The following STX8 variants were observed in gnomAD, a reference collection of about 807,000 sequenced individuals.
The protein encoded by STX8 is syntaxin 8.
In STX8, 23 loss-of-function variants were observed where a neutral mutation model predicts 37.5. The observed-to-expected ratio is 0.61, with a 90% confidence interval of 0.44 to 0.87. The LOEUF is 0.87. Ranked by LOEUF, STX8 falls within the 40% of genes least tolerant of loss-of-function variation. The pLI, the probability that STX8 is intolerant of heterozygous loss-of-function variation, is 0.00. For missense variants in STX8, 313 were observed against 284.7 expected (o/e 1.10, Z -0.71); for synonymous variants, 115 against 99.1 (o/e 1.16, Z -0.95).
At chr17:9,306,067 T>G (rs1405702774) in intron 7 of STX8, among the ~76,000 whole-genome samples, 1 of 152,060 alleles carries the variant, frequency 6.6e-6, no homozygotes, top group Non-Finnish European at 1.5e-5. Context: ...TTAAAATCCT[T>G]TATGTTGTAC....
chr17:9,253,045 G>T (rs1025992607), intron 7 of STX8, among the ~76,000 whole-genome samples: 2 of 152,218 alleles, frequency 1.3e-5, no homozygotes, highest in East Asian at 3.8e-4. Flanking sequence ...GCATCAGTTC[G>T]CCCACTTAGG....
chr17:9,257,594 G>T (rs920586533), intron 7 of STX8, among the ~76,000 whole-genome samples: 1 of 152,214 alleles, frequency 6.6e-6, no homozygotes, highest in Non-Finnish European at 1.5e-5. Flanking sequence ...AAGAGGCAGG[G>T]AGGGGTGAAG....
In STX8 at chr17:9,250,531, G is replaced by C. The variant is rs1445842248; in HGVS notation, c.*47C>G. The C allele has an allele frequency of 2.0e-6, 3 of 1,521,658 alleles. No homozygotes were observed. In the African/African-American group the frequency reaches 4.1e-5, roughly 21 times the overall value. 94.3% of individuals were successfully genotyped at this position (1,521,658 alleles called of 1,614,324 possible). On this transcript the variant is annotated 3_prime_UTR_variant, in exon 8 of 8. Transcript: ENST00000306357. ...TGCGTACCAAAAGGGTGTTGGGCTT[G>C]CATCTGTCATTGGCAGGTGTCACTG...
At chr17:9,279,831 G>A (rs1171393022) in intron 7 of STX8, among the ~76,000 whole-genome samples, 6 of 152,190 alleles carry the variant, frequency 3.9e-5, no homozygotes, top group Admixed American at 1.3e-4. Flanking sequence ...AACACCTAAC[G>A]TGGAAATAAC....
intron 7 of STX8, among the ~76,000 whole-genome samples, chr17:9,373,107 CA>C (rs11317325): frequency 0.16 from 15,100 of 95,820 alleles, 2,221 homozygotes; most frequent in African/African-American, 0.41. Flanking sequence ...GACTCCATCT[CA>C]AAAAAAAAAA....
At chr17:9,568,804 G>A (rs1419688467) in intron 1 of STX8, among the ~76,000 whole-genome samples, 1 of 152,002 alleles carries the variant, frequency 6.6e-6, no homozygotes. Context: ...TGGCCTTAAG[G>A]TTCTTTAAAA....
intron 6 of STX8, among the ~76,000 whole-genome samples, chr17:9,414,129 A>ATCCGTCCATCTGT (rs1913092925): frequency 3.0e-5 from 2 of 67,622 alleles, no homozygotes; most frequent in Non-Finnish European, 6.4e-5. Flanking sequence ...CATCCATCCA[A>ATCCGTCCATCTGT]CCATCCATCC....
intron 7 of STX8, among the ~76,000 whole-genome samples, chr17:9,333,753 A>C (rs535906201): frequency 7.0e-6 from 1 of 142,972 alleles, no homozygotes; most frequent in African/African-American, 3.0e-5. Context: ...TAACACACAC[A>C]TGTTTTTTAA....
intron 5 of STX8, among the ~76,000 whole-genome samples, chr17:9,499,760 G>C (rs576800264): frequency 6.6e-6 from 1 of 152,146 alleles, no homozygotes; most frequent in Non-Finnish European, 1.5e-5. Flanking sequence ...TGCAACCTGC[G>C]CTGCCGCTCC....
chr17:9,322,477 C>A (rs942752719), intron 7 of STX8, among the ~76,000 whole-genome samples: 1 of 152,144 alleles, frequency 6.6e-6, no homozygotes, highest in Non-Finnish European at 1.5e-5. Context: ...AGGACCAAGC[C>A]CAGCAGGGGA....
chr17:9,443,448 C>A (rs779971969), intron 6 of STX8, among the ~76,000 whole-genome samples: 2 of 152,168 alleles, frequency 1.3e-5, no homozygotes, highest in Non-Finnish European at 2.9e-5. Context: ...CAGTCTGTTG[C>A]GAGTTCATGT....
At chr17:9,472,497 TGAG>T (rs1290987847) in intron 6 of STX8, among the ~76,000 whole-genome samples, 1 of 152,332 alleles carries the variant, frequency 6.6e-6, no homozygotes, top group African/African-American at 2.4e-5. Context: ...GCAGAGGCAC[TGAG>T]GAGGAGAAAC....
chr17:9,260,945 G>T (rs934526745), intron 7 of STX8, among the ~76,000 whole-genome samples: 2 of 152,236 alleles, frequency 1.3e-5, no homozygotes, highest in African/African-American at 4.8e-5. Context: ...AGAGAACGGT[G>T]TGAAGAGAGA....
chr17:9,339,667 A>G (rs1487886024), intron 7 of STX8, among the ~76,000 whole-genome samples: 2 of 152,162 alleles, frequency 1.3e-5, no homozygotes, highest in Non-Finnish European at 2.9e-5. Context: ...ATCTAAAAAA[A>G]AAAGGACTCC....
rs117128895 is a variant in STX8 at position 9,447,105 on chromosome 17, A to G, written c.541+44724T>C. ...TTCTTTACCCACCGTATTCAGGAAAACCAATTTATTGTTCTGTCTCAGTAA... is the reference window on the plus strand; with the variant it reads ...TTCTTTACCCACCGTATTCAGGAAAGCCAATTTATTGTTCTGTCTCAGTAA... On this transcript the variant is annotated intron_variant, in intron 6 of 7. Transcript: ENST00000306357. 6.6e-3 allele frequency among the ~76,000 whole-genome samples: 1,005 copies of G among 152,200 alleles called. 9 individuals carry two copies. Among genetic ancestry groups the G allele is most frequent in the Admixed American group, 0.018 (271 of 15,286 alleles).
chr17:9,288,388 G>C (rs569960996), intron 7 of STX8, among the ~76,000 whole-genome samples: 1 of 151,992 alleles, frequency 6.6e-6, no homozygotes, highest in Non-Finnish European at 1.5e-5. Context: ...TGGGCCGGGC[G>C]CGGTGGCTCA....
chr17:9,313,929 C>T (rs1225760976), intron 7 of STX8, among the ~76,000 whole-genome samples: 1 of 152,152 alleles, frequency 6.6e-6, no homozygotes, highest in Non-Finnish European at 1.5e-5. Context: ...CGTGCCCAGC[C>T]TCTCCCTTTA....
chr17:9,508,242 A>G (rs539080308), intron 4 of STX8, among the ~76,000 whole-genome samples: 1 of 152,330 alleles, frequency 6.6e-6, no homozygotes, highest in East Asian at 1.9e-4. Context: ...AGAACAAAAC[A>G]GGTATCCTGG....
intron 7 of STX8, among the ~76,000 whole-genome samples, chr17:9,283,726 A>C (rs1907976327): frequency 6.6e-6 from 1 of 152,232 alleles, no homozygotes; most frequent in Admixed American, 6.5e-5. Context: ...CAATGTTTTC[A>C]ATAACTGCAT....
Sources: allele counts gnomAD v4.1 joint callset (sites outside exome capture counted in the v4.1 genomes callset), GRCh38; gene constraint gnomAD v4.1.1; transcripts MANE v1.5; gene names NCBI Gene and HGNC (gene_info 2026-07-23, HGNC 2026-07-21).